Variants in NAV3 observed in about 807,000 individuals in gnomAD.
The protein encoded by NAV3 is pore membrane and/or filament interacting like protein 1.
Under a neutral mutation model 244.7 loss-of-function variants are expected in NAV3, and 87 were observed. That is an observed-to-expected ratio of 0.36 (90% CI 0.30 to 0.42). The LOEUF (loss-of-function observed/expected upper bound fraction) is 0.42. Ranked by LOEUF, NAV3 falls within the 20% of genes least tolerant of loss-of-function variation. The pLI, the probability that NAV3 is intolerant of heterozygous loss-of-function variation, is 1.00. For missense variants in NAV3, 2,663 were observed against 2,893.3 expected (o/e 0.92, Z 1.83); for synonymous variants, 1,126 against 1,042.2 (o/e 1.08, Z -1.55).
At chr12:78,112,074 C>A (rs559493096) in intron 12 of NAV3, among the ~76,000 whole-genome samples, 1 of 152,134 alleles carries the variant, frequency 6.6e-6, no homozygotes, top group Admixed American at 6.6e-5. Flanking sequence ...AGGCTATTAG[C>A]GAATCATAGC....
At chr12:78,198,145 C>G (rs1959214057) in intron 35 of NAV3, among the ~76,000 whole-genome samples, 1 of 151,800 alleles carries the variant, frequency 6.6e-6, no homozygotes, top group African/African-American at 2.4e-5. Context: ...TTCCAATTAT[C>G]TCTGCTAGAG....
intron 9 of NAV3, among the ~76,000 whole-genome samples, chr12:78,023,268 A>G (rs1877462518): frequency 6.6e-6 from 1 of 152,168 alleles, no homozygotes; most frequent in Non-Finnish European, 1.5e-5. Context: ...ATATCACGGT[A>G]TATCTGATTG....
At chr12:77,697,668 A>AT (rs765807418) in intron 2 of NAV3, among the ~76,000 whole-genome samples, 1 of 152,156 alleles carries the variant, frequency 6.6e-6, no homozygotes, top group Non-Finnish European at 1.5e-5. Context: ...AAGTGGTTAT[A>AT]TATAGCAGAT....
intron 1 of NAV3, among the ~76,000 whole-genome samples, chr12:77,883,174 A>G (rs1427023671): frequency 6.6e-6 from 1 of 152,152 alleles, no homozygotes; most frequent in Non-Finnish European, 1.5e-5. Flanking sequence ...TAGGAAAGAC[A>G]TAGAGGGAAC....
intron 6 of NAV3, among the ~76,000 whole-genome samples, chr12:77,997,378 C>T (rs1049512464): frequency 1.4e-4 from 21 of 151,884 alleles, no homozygotes; most frequent in African/African-American, 5.1e-4. Flanking sequence ...TAGGCACAAT[C>T]CATTACATAA....
Position 77,750,257 on chromosome 12 carries a change from G to A in NAV3, c.72+177991G>A, listed in dbSNP as rs540005543. Among the ~76,000 whole-genome samples, 5 of 152,300 alleles carry A rather than the reference G, an allele frequency of 3.3e-5. No individual in the cohort carries two copies. In the East Asian group the frequency reaches 7.7e-4, roughly 24 times the overall value. On this transcript the variant is annotated intron_variant, in intron 2 of 8. Transcript: ENST00000550042. ...AGTCCCAGCTACTCCGGAGGCTGAT[G>A]CAGGAGAATCTTTTGAACCTGGGAG...
intron 2 of NAV3, among the ~76,000 whole-genome samples, chr12:77,747,287 GT>G (rs1188357601): frequency 3.3e-5 from 5 of 152,100 alleles, no homozygotes; most frequent in Non-Finnish European, 7.4e-5. Flanking sequence ...GGGGTTGTTT[GT>G]TTTTCACTGA....
At chr12:78,117,939 C>A in intron 13 of NAV3, 88 bp from the exon 14 acceptor site, 3 of 1,224,784 alleles carry the variant, frequency 2.4e-6, no homozygotes, top group East Asian at 2.6e-5. Context: ...TGGATTTATC[C>A]AGTTATCTGA....
At position 78,019,428 on chromosome 12, in the gene NAV3, G is replaced by A. The variant is rs564675712; in HGVS notation, c.1908-2319G>A. ...GGTGAGTTCAAACATGGAGAATAGCGTCTAGTCTGGGAGTTAAACATTAAT... is the reference window on the plus strand; with the variant it reads ...GGTGAGTTCAAACATGGAGAATAGCATCTAGTCTGGGAGTTAAACATTAAT... On this transcript the variant is annotated intron_variant, in intron 8 of 39. Transcript: ENST00000397909. Among the ~76,000 whole-genome samples the A allele has an allele frequency of 2.0e-4, 31 of 152,214 alleles. No homozygotes were observed. The South Asian group carries it at 2.9e-3, about 14-fold the overall frequency.
chr12:78,006,491 C>T lies in NAV3; in HGVS notation c.953C>T (p.Pro318Leu), dbSNP rs760603474. 1 of 1,614,060 alleles carries T rather than the reference C, an allele frequency of 6.2e-7. No homozygotes were observed. The highest frequency in any genetic ancestry group is 1.1e-5 in the South Asian group (1 of 91,080). The change falls in exon 8 of 40, where the codon CCT (proline) becomes CTT (leucine). Residue 318 changes from proline to leucine, a missense_variant. Transcript: ENST00000397909. ...NVQPPSTAGQPPASAIPSPSA... is the reference protein window; with the variant it reads ...NVQPPSTAGQLPASAIPSPSA... ...CAGCCTCCCAGTACTGCTGGGCAGCCTCCTGCCTCTGCCATCCCTTCTCCA... is the reference window on the plus strand; with the variant it reads ...CAGCCTCCCAGTACTGCTGGGCAGCTTCCTGCCTCTGCCATCCCTTCTCCA...
At chr12:77,878,464 A>C (rs2136563474) in intron 1 of NAV3, among the ~76,000 whole-genome samples, 1 of 152,120 alleles carries the variant, frequency 6.6e-6, no homozygotes, top group Non-Finnish European at 1.5e-5. Context: ...CCTGACCTCA[A>C]CTGATCTGCC....
At chr12:77,994,107 T>A (rs994659006) in intron 5 of NAV3, among the ~76,000 whole-genome samples, 4 of 152,392 alleles carry the variant, frequency 2.6e-5, no homozygotes, top group African/African-American at 9.6e-5. Flanking sequence ...GATTTTGATT[T>A]AAAAAATCAT....
At chr12:77,952,881 T>G (rs559499674) in intron 3 of NAV3, among the ~76,000 whole-genome samples, 11 of 152,168 alleles carry the variant, frequency 7.2e-5, no homozygotes, top group Admixed American at 2.6e-4. Context: ...TGGCAAATAA[T>G]AAGTTGTTAT....
At position 78,190,251 on chromosome 12, in the gene NAV3, A is replaced by G. The variant is rs759303009; in HGVS notation, c.6291+32A>G. On this transcript the variant is annotated intron_variant, in intron 34 of 39. Coordinates refer to ENST00000397909, the MANE Select transcript of NAV3 (RefSeq NM_001024383.2). Reference sequence around the variant, plus strand: ...TACAGAATTCTAAGAGAACAGCTACAATTTATCCATAAGTGTTTTAAGCAA... The same window carrying G: ...TACAGAATTCTAAGAGAACAGCTACGATTTATCCATAAGTGTTTTAAGCAA... 4.5e-6 allele frequency: 7 copies of G among 1,545,852 alleles called. No homozygotes were observed. The South Asian group carries it at 7.9e-5, about 18-fold the overall frequency.
chr12:78,113,943 A>G (rs1375947651), intron 12 of NAV3, among the ~76,000 whole-genome samples: 1 of 152,210 alleles, frequency 6.6e-6, no homozygotes, highest in Admixed American at 6.5e-5. Context: ...TGCTTATAAC[A>G]GCACCCAAAT....
rs929382384 is a variant in NAV3, at chr12:77,869,913, G to A, written c.243+38209G>A. 5.9e-5 allele frequency among the ~76,000 whole-genome samples: 9 copies of A among 152,142 alleles called. No homozygotes were observed. In the East Asian group the frequency reaches 9.7e-4, roughly 16 times the overall value. On this transcript the variant is annotated intron_variant, in intron 1 of 39. Transcript: ENST00000397909. ...ATGAATGAATGAATTAATGCATGAC[G>A]CATATGTTCAATTCTGTTTTACCTA...
intron 2 of NAV3, among the ~76,000 whole-genome samples, chr12:77,620,344 G>T (rs548123090): frequency 6.6e-6 from 1 of 152,162 alleles, no homozygotes; most frequent in Non-Finnish European, 1.5e-5. Flanking sequence ...TAATCATGAC[G>T]ATGCTGGACA....
chr12:77,611,964 T>C (rs1374116264), intron 2 of NAV3, among the ~76,000 whole-genome samples: 2 of 152,084 alleles, frequency 1.3e-5, no homozygotes, highest in African/African-American at 4.8e-5. Context: ...GCTCAACAGA[T>C]AATGATCCTG....
At chr12:77,811,423 A>T (rs999215956) in intron 2 of NAV3, among the ~76,000 whole-genome samples, 1 of 152,130 alleles carries the variant, frequency 6.6e-6, no homozygotes, top group Non-Finnish European at 1.5e-5. Context: ...CACCTCCACC[A>T]CCATCAAGTC....
Sources: gnomAD v4.1 joint callset for allele counts (sites outside exome capture counted in the v4.1 genomes callset) on GRCh38, gnomAD v4.1.1 for gene constraint, MANE v1.5 for transcripts, NCBI Gene and HGNC (gene_info 2026-07-23, HGNC 2026-07-21) for gene names.